Variants in NCK2 observed in about 807,000 individuals in gnomAD.
The protein encoded by NCK2 is NCK adaptor protein 2, also known as cytoplasmic protein NCK2.
A neutral mutation model predicts 33.9 loss-of-function variants in NCK2; 16 were observed. The observed-to-expected ratio is 0.47, with a 90% CI of 0.32 to 0.72. NCK2 has a LOEUF of 0.72. Ranked by LOEUF, NCK2 falls within the 30% of genes least tolerant of loss-of-function variation. The pLI is 0.03. For missense variants in NCK2, 418 were observed against 537.3 expected, an observed-to-expected ratio of 0.78 and a Z score of 2.19; for synonymous variants, 273 against 239.9, an observed-to-expected ratio of 1.14 and a Z score of -1.27.
chr2:105,804,883 G>A (rs923262679), intron 1 of NCK2, among the ~76,000 whole-genome samples: 1 of 152,178 alleles, frequency 6.6e-6, no homozygotes, highest in African/African-American at 2.4e-5. Context: ...TGCAAACTGG[G>A]GGACAAGGAT....
chr2:105,767,836 TG>T (rs1370392081), intron 1 of NCK2, among the ~76,000 whole-genome samples: 1 of 152,202 alleles, frequency 6.6e-6, no homozygotes, highest in African/African-American at 2.4e-5. Flanking sequence ...CATGAAATTG[TG>T]GGACATACTG....
At chr2:105,788,553 A>G (rs558638349) in intron 1 of NCK2, among the ~76,000 whole-genome samples, 1 of 152,306 alleles carries the variant, frequency 6.6e-6, no homozygotes, top group African/African-American at 2.4e-5. Flanking sequence ...GATATTTAAC[A>G]TATCTATAGT....
chr2:105,791,369 A>C (rs866870361), intron 1 of NCK2, among the ~76,000 whole-genome samples: 10 of 152,296 alleles, frequency 6.6e-5, no homozygotes, highest in African/African-American at 2.4e-4. Flanking sequence ...CCAGAAGAAG[A>C]GTGACCAGGT....
chr2:105,853,027 T>C (rs1343759813), intron 2 of NCK2, among the ~76,000 whole-genome samples: 2 of 152,286 alleles, frequency 1.3e-5, no homozygotes, highest in South Asian at 4.1e-4. Flanking sequence ...GTAGAAAATA[T>C]GTTATTTAAA....
intron 1 of NCK2, among the ~76,000 whole-genome samples, chr2:105,771,686 T>C (rs974905991): frequency 1.3e-5 from 2 of 152,238 alleles, no homozygotes; most frequent in Admixed American, 1.3e-4. Context: ...TTTTTAAAGC[T>C]GATGTTTCTC....
rs1425764527 is a variant in NCK2, at chr2:105,748,053, C to CA, written c.-201+2916dup. ...CAAGTATTACCTCTGCCCAGTGACA[C>CA]ACATCCACATGTGTACTGGCACATA... is the stretch of plus-strand genomic sequence containing the variant. On this transcript the variant is annotated intron_variant, in intron 1 of 4. Transcript: ENST00000233154. Among the ~76,000 whole-genome samples, 3 of 152,192 alleles carry CA rather than the reference C, an allele frequency of 2.0e-5. No homozygotes were observed. The East Asian group carries it at 5.8e-4, about 29-fold the overall frequency.
intron 1 of NCK2, among the ~76,000 whole-genome samples, chr2:105,808,535 C>A (rs928551824): frequency 6.6e-6 from 1 of 152,134 alleles, no homozygotes; most frequent in Non-Finnish European, 1.5e-5. Context: ...GATCTTTCAT[C>A]GAAGGAGCCC....
chr2:105,786,474 G>A (rs879505607), intron 1 of NCK2, among the ~76,000 whole-genome samples: 26 of 152,312 alleles, frequency 1.7e-4, no homozygotes, highest in Non-Finnish European at 2.1e-4. Context: ...GGCCCTGGCC[G>A]CTGCTGGGAT....
intron 1 of NCK2, among the ~76,000 whole-genome samples, chr2:105,815,779 C>T (rs776387156): frequency 2.0e-5 from 3 of 152,186 alleles, no homozygotes; most frequent in African/African-American, 2.4e-5. Flanking sequence ...AAGAGAGGAA[C>T]GAGTCTCTAA....
At chr2:105,801,946 C>T (rs149905221) in intron 1 of NCK2, among the ~76,000 whole-genome samples, 1 of 152,288 alleles carries the variant, frequency 6.6e-6, no homozygotes, top group African/African-American at 2.4e-5. Context: ...GCCCATCTCC[C>T]TGCATGGAGA....
At chr2:105,785,511 C>T (rs1436864974) in intron 1 of NCK2, among the ~76,000 whole-genome samples, 1 of 152,218 alleles carries the variant, frequency 6.6e-6, no homozygotes, top group South Asian at 2.1e-4. Context: ...AATACAAAAT[C>T]TAATGCAGCC....
intron 2 of NCK2, among the ~76,000 whole-genome samples, chr2:105,816,972 C>A (rs1675514498): frequency 6.6e-6 from 1 of 152,056 alleles, no homozygotes; most frequent in African/African-American, 2.4e-5. Context: ...TGCTTTCAGT[C>A]TAGGAAAAGT....
intron 1 of NCK2, among the ~76,000 whole-genome samples, chr2:105,792,788 G>A (rs1210375465): frequency 6.6e-6 from 1 of 152,156 alleles, no homozygotes; most frequent in Non-Finnish European, 1.5e-5. Context: ...TGGTGTGTGT[G>A]CATCTATCAG....
chr2:105,790,923 A>G (rs1690857962), intron 1 of NCK2, among the ~76,000 whole-genome samples: 1 of 152,190 alleles, frequency 6.6e-6, no homozygotes, highest in African/African-American at 2.4e-5. Context: ...GGAGCCAGCC[A>G]GAGTCCAACC....
chr2:105,777,927 G>A (rs1690366784), intron 1 of NCK2, among the ~76,000 whole-genome samples: 2 of 152,196 alleles, frequency 1.3e-5, no homozygotes, highest in South Asian at 2.1e-4. Context: ...TCGCCTAGCC[G>A]TTCAGCCTTT....
At chr2:105,892,915 T>C (rs1459574782) in intron 4 of NCK2, 67 bp from the exon 5 acceptor site, 1 of 1,331,878 alleles carries the variant, frequency 7.5e-7, no homozygotes, top group Non-Finnish European at 1.0e-6. Flanking sequence ...GCACAAGAGA[T>C]GTGGATGGAT....
chr2:105,768,916 T>C (rs1690035773), intron 1 of NCK2, among the ~76,000 whole-genome samples: 2 of 152,068 alleles, frequency 1.3e-5, no homozygotes, highest in South Asian at 4.1e-4. Context: ...ACGTGGAGGC[T>C]CCCCACATCC....
chr2:105,879,925 C>T (rs887666526), intron 3 of NCK2, among the ~76,000 whole-genome samples: 1 of 152,206 alleles, frequency 6.6e-6, no homozygotes, highest in East Asian at 1.9e-4. Context: ...AACCTCCACA[C>T]TGATTAAGGT....
intron 1 of NCK2, among the ~76,000 whole-genome samples, chr2:105,763,505 A>G (rs931277971): frequency 6.6e-6 from 1 of 152,224 alleles, no homozygotes; most frequent in African/African-American, 2.4e-5. Flanking sequence ...ATAAAAGCCT[A>G]GTTGTTGTTT....
Sources: gnomAD v4.1 joint callset for allele counts (sites outside exome capture counted in the v4.1 genomes callset) on GRCh38, gnomAD v4.1.1 for gene constraint, MANE v1.5 for transcripts, NCBI Gene and HGNC (gene_info 2026-07-23, HGNC 2026-07-21) for gene names.